The following ZNF71 variants were observed in gnomAD, a reference collection of about 807,000 sequenced individuals.
The protein encoded by ZNF71 is zinc finger protein 71.
ZNF71 carries 3 observed loss-of-function variants against 6.7 expected under a neutral mutation model. The observed-to-expected ratio is 0.45, with a 90% confidence interval of 0.20 to 1.16. ZNF71 has a LOEUF of 1.16. ZNF71 is among the 50% of genes most tolerant of loss of function. The pLI is 0.25. For missense variants in ZNF71, 688 were observed against 728.6 expected (o/e 0.94, Z 0.64); for synonymous variants, 343 against 311.1 (o/e 1.10, Z -1.08).
At position 56,608,721 on chromosome 19, in the gene ZNF71, C is replaced by T. The variant is rs569216831; in HGVS notation, c.34-5091C>T. On this transcript the variant is annotated intron_variant, in intron 2 of 3. Transcript: ENST00000599599. ...GGGGCTGTCTTGGAGGCTGCCAACA[C>T]ACACACACACACATACACATAAAAC... 1.4e-3 allele frequency among the ~76,000 whole-genome samples: 218 copies of T among 152,266 alleles called. 1 individual carries two copies. Among genetic ancestry groups the T allele is most frequent in the Admixed American group, 4.0e-3 (61 of 15,292 alleles).
chr19:56,600,665 C>A (rs545124825), intron 1 of ZNF71, among the ~76,000 whole-genome samples: 1 of 152,186 alleles, frequency 6.6e-6, no homozygotes, highest in South Asian at 2.1e-4. Flanking sequence ...CTATGCCTGG[C>A]TTATTTCACT....
At chr19:56,620,123 G>A (rs2044831684) in intron 3 of ZNF71, among the ~76,000 whole-genome samples, 1 of 152,238 alleles carries the variant, frequency 6.6e-6, no homozygotes, top group Non-Finnish European at 1.5e-5. Flanking sequence ...GTGGGCTCAA[G>A]TGAGCGGTCC....
chr19:56,622,346 G>T lies in ZNF71; in HGVS notation c.1239G>T (p.Pro413=), dbSNP rs371602169. 2.5e-6 allele frequency: 4 copies of T among 1,610,800 alleles called. No individual in the cohort carries two copies. The highest frequency in any genetic ancestry group is 2.5e-6 in the Non-Finnish European group (3 of 1,178,870). Residue 413 remains proline, a synonymous_variant, in exon 4 of 4, where the codon CCG becomes CCT. Transcript: ENST00000599599. ...AGCGCTTCCACATCGGCGTGAAGCC[G>T]TTCGAGTGCAGCGAGTGCGGCAAGG... ...QHQRFHIGVK[P]FECSECGKAF... is the part of the protein sequence containing the mutation.
intron 1 of ZNF71, among the ~76,000 whole-genome samples, chr19:56,597,724 G>GT (rs112663037): frequency 1.6e-4 from 25 of 151,526 alleles, no homozygotes; most frequent in South Asian, 1.5e-3. Flanking sequence ...TGTTTTCAGG[G>GT]TTTTTTTTTG....
intron 2 of ZNF71, among the ~76,000 whole-genome samples, chr19:56,607,805 T>A (rs2044721354): frequency 6.6e-6 from 1 of 152,214 alleles, no homozygotes; most frequent in Non-Finnish European, 1.5e-5. Context: ...TTTTACACAG[T>A]TTCTGAGGGT....
At chr19:56,610,330 T>C (rs570472130) in intron 2 of ZNF71, 1 of 152,402 alleles carries the variant, frequency 6.6e-6, no homozygotes, top group Admixed American at 6.5e-5. Context: ...TAAATTTCCC[T>C]TTATTATTTC....
chr19:56,601,518 A>G lies in ZNF71; in HGVS notation c.-41A>G. 1 of 985,586 alleles carries G rather than the reference A, an allele frequency of 1.0e-6. No homozygotes were observed. Among genetic ancestry groups the G allele is most frequent in the Non-Finnish European group, 1.2e-6 (1 of 829,954 alleles). 61.1% of individuals were successfully genotyped at this position (985,586 alleles called of 1,614,324 possible). A position where few individuals can be genotyped will look rare whatever the true frequency, so the allele number is the denominator to read the frequency against. ...TCTTCTCCCTACAGCACTGTTGGTC[A>G]CCGCAGGCCTGTCTTCCTATTCACC... On this transcript the variant is annotated 5_prime_UTR_variant, in exon 2 of 4. Coordinates refer to ENST00000599599, the MANE Select transcript of ZNF71 (RefSeq NM_001370215.1).
chr19:56,608,845 G>A (rs996642367), intron 2 of ZNF71, among the ~76,000 whole-genome samples: 6 of 152,164 alleles, frequency 3.9e-5, no homozygotes, highest in African/African-American at 1.4e-4. Context: ...TCATGTGGTT[G>A]AGATAAAATG....
chr19:56,620,068 C>T (rs1035116), intron 3 of ZNF71, among the ~76,000 whole-genome samples: 106,510 of 152,118 alleles, frequency 0.7, 37,729 homozygotes, highest in East Asian at 0.99. Flanking sequence ...CAGCGTGTGA[C>T]GTAGCAACAG....
chr19:56,622,666 A>G lies in ZNF71; in HGVS notation c.1559A>G (p.His520Arg). The change falls in exon 4 of 4, where the codon CAC becomes CGC. Residue 520 changes from histidine to arginine, a missense_variant. His to Arg is a conservative substitution (Grantham distance 29, BLOSUM62 0). Transcript: ENST00000599599. Reference protein sequence around the residue: ...NSSLTVHQRIHTGEKPYRCGE... With the variant: ...NSSLTVHQRIRTGEKPYRCGE... ...TCCCTCACTGTGCACCAGCGGATCC[A>G]CACGGGCGAGAAGCCCTACCGATGC... The G allele has an allele frequency of 6.2e-7, 1 of 1,614,198 alleles. No homozygotes were observed. Among genetic ancestry groups the G allele is most frequent in the Non-Finnish European group, 8.5e-7 (1 of 1,180,010 alleles).
intron 2 of ZNF71, among the ~76,000 whole-genome samples, chr19:56,604,233 G>A (rs534044358): frequency 6.6e-6 from 1 of 152,116 alleles, no homozygotes; most frequent in African/African-American, 2.4e-5. Flanking sequence ...ATGGTTCCAC[G>A]GGTGTATATG....
chr19:56,622,774 C>A lies in ZNF71; in HGVS notation c.*17C>A. 1.3e-6 allele frequency: 2 copies of A among 1,574,486 alleles called. No individual in the cohort carries two copies. Among genetic ancestry groups the A allele is most frequent in the South Asian group, 1.2e-5 (1 of 84,144 alleles). ...CACACCTGAGCGCCTCTGTGCAGGG[C>A]TCTCACTGGCGGTGCCCAGGACGGA... On this transcript the variant is annotated 3_prime_UTR_variant, in exon 4 of 4. Coordinates refer to ENST00000599599, the MANE Select transcript of ZNF71 (RefSeq NM_001370215.1).
intron 3 of ZNF71, among the ~76,000 whole-genome samples, chr19:56,615,692 T>C (rs1176417181): frequency 6.6e-6 from 1 of 152,230 alleles, no homozygotes; most frequent in African/African-American, 2.4e-5. Context: ...ATACAAGATT[T>C]TCTTTAGATA....
rs1234071154 is a variant in ZNF71, at chr19:56,613,182, C to G, written c.34-630C>G. 6.6e-6 allele frequency among the ~76,000 whole-genome samples: 1 copy of G among 152,154 alleles called. No homozygotes were observed. Among genetic ancestry groups the G allele is most frequent in the Non-Finnish European group, 1.5e-5 (1 of 68,016 alleles). ...CTCATCTGCCTTTTCACCTTCGGGT[C>G]TTGATCCAAGCTCTCTTCCCTACCC... On this transcript the variant is annotated intron_variant, in intron 2 of 3. Transcript: ENST00000599599. This position sits in a 1 kb window ranked among gnomAD's most constrained non-coding sequence, Gnocchi z 4.6.
chr19:56,610,787 T>C (rs1416579855), intron 2 of ZNF71, among the ~76,000 whole-genome samples: 2 of 152,224 alleles, frequency 1.3e-5, no homozygotes, highest in African/African-American at 2.4e-5. Flanking sequence ...GAGAGGAATG[T>C]TGTTGCAGTA....
Position 56,621,313 on chromosome 19 carries a change from A to G in ZNF71, c.206A>G (p.Asp69Gly), listed in dbSNP as rs777292391. The G allele has an allele frequency of 1.3e-6, 2 of 1,523,372 alleles. No homozygotes were observed. Among genetic ancestry groups the G allele is most frequent in the South Asian group, 1.3e-5 (1 of 75,806 alleles). The allele number at this position is 1,523,372 out of a possible 1,614,324, so 94.4% of individuals were successfully genotyped here. The change falls in exon 4 of 4, where the codon GAC becomes GGC. Residue 69 changes from aspartate (D) to glycine (G), a missense_variant. Physicochemically the swap from Asp to Gly is moderately conservative, Grantham distance 94. Coordinates refer to ENST00000599599, the MANE Select transcript of ZNF71 (RefSeq NM_001370215.1). ...PEMKELDPKNDISEDKLSVVG... is the reference protein window; with the variant it reads ...PEMKELDPKNGISEDKLSVVG... ...ATGAAAGAGTTGGATCCAAAGAATG[A>G]CATTTCGGAAGACAAGCTCTCCGTT...
At chr19:56,611,393 C>T (rs940990647) in intron 2 of ZNF71, among the ~76,000 whole-genome samples, 8 of 152,212 alleles carry the variant, frequency 5.3e-5, no homozygotes, top group Non-Finnish European at 5.9e-5. Context: ...GGCTGTCCCA[C>T]GCAGTAGCTG....
intron 2 of ZNF71, chr19:56,610,176 ACT>A (rs937144055): frequency 6.6e-6 from 1 of 152,118 alleles, no homozygotes; most frequent in African/African-American, 2.4e-5. Flanking sequence ...TCATAAGGTA[ACT>A]CTGTGTTTAT....
At chr19:56,595,853 T>TTGTGTG (rs60371305) in intron 1 of ZNF71, among the ~76,000 whole-genome samples, 32,360 of 137,364 alleles carry the variant, frequency 0.24, 4,234 homozygotes, top group Non-Finnish European at 0.3. Context: ...GTGTGTGTGT[T>TTGTGTG]TGTGTGTGTG....
Sources: gnomAD v4.1 joint callset for allele counts (sites outside exome capture counted in the v4.1 genomes callset) on GRCh38, gnomAD v4.1.1 for gene constraint, Gnocchi (gnomAD v3.1) non-coding constraint, MANE v1.5 for transcripts, NCBI Gene and HGNC (gene_info 2026-07-23, HGNC 2026-07-21) for gene names.